Variants in LRRC37A2 observed in about 807,000 individuals in gnomAD.
LRRC37A2 encodes leucine-rich repeat-containing protein 37A2.
Under a neutral mutation model 68.8 loss-of-function variants are expected in LRRC37A2, and 9 were observed. The observed-to-expected ratio is 0.13, with a 90% CI of 0.08 to 0.23. The LOEUF (loss-of-function observed/expected upper bound fraction) is 0.23. LRRC37A2 is among the 10% of genes least tolerant of loss of function. The probability of loss-of-function intolerance (pLI) is 1.00; values close to 1 mark genes in which losing one functional copy is unlikely to be tolerated. For missense variants in LRRC37A2, 168 were observed against 950.4 expected, an observed-to-expected ratio of 0.18 and a Z score of 10.82; for synonymous variants, 63 against 367.6, an observed-to-expected ratio of 0.17 and a Z score of 9.48.
the LRRC37A2 span, among the ~76,000 whole-genome samples, chr17:46,906,113 C>T: frequency 6.6e-6 from 1 of 152,104 alleles, no homozygotes; most frequent in Non-Finnish European, 1.5e-5. Context: ...CAGTGAGGAG[C>T]AGCTCACTCA....
At chr17:46,501,721 C>G in the LRRC37A2 span, among the ~76,000 whole-genome samples, 2 of 151,310 alleles carry the variant, frequency 1.3e-5, no homozygotes, top group African/African-American at 4.9e-5. Flanking sequence ...TTGTATGCCT[C>G]AATTCAATCA....
the LRRC37A2 span, among the ~76,000 whole-genome samples, chr17:46,493,562 G>A: frequency 8.1e-3 from 1,154 of 141,706 alleles, no homozygotes; most frequent in Non-Finnish European, 0.014. Context: ...TATTTGAGAC[G>A]GAGTCTCGCT....
chr17:46,763,855 CAAA>C, the LRRC37A2 span: 2 of 130,064 alleles, frequency 1.5e-5, no homozygotes, highest in Non-Finnish European at 3.4e-5. Context: ...AACAAAAAAA[CAAA>C]AAAAAAACTG....
the LRRC37A2 span, chr17:46,910,146 C>A: frequency 6.6e-6 from 1 of 152,342 alleles, no homozygotes; most frequent in African/African-American, 2.4e-5. Flanking sequence ...AGATCACATC[C>A]CTTTCTGGGC....
chr17:47,002,436 G>A, the LRRC37A2 span, among the ~76,000 whole-genome samples: 2 of 151,182 alleles, frequency 1.3e-5, no homozygotes, highest in African/African-American at 2.4e-5. Flanking sequence ...TCTTGCCCAG[G>A]CTGGAGTGCA....
At chr17:46,878,454 T>A in the LRRC37A2 span, among the ~76,000 whole-genome samples, 1 of 152,222 alleles carries the variant, frequency 6.6e-6, no homozygotes, top group African/African-American at 2.4e-5. Flanking sequence ...GATTTTTGAC[T>A]GCAGAGGCCC....
the LRRC37A2 span, among the ~76,000 whole-genome samples, chr17:46,714,312 T>G: frequency 6.6e-6 from 1 of 152,240 alleles, no homozygotes; most frequent in Non-Finnish European, 1.5e-5. Flanking sequence ...ATTTAGGATT[T>G]TTTAAAGTTC....
the LRRC37A2 span, chr17:46,955,516 TATCTC>T: frequency 2.6e-5 from 4 of 152,322 alleles, no homozygotes; most frequent in Admixed American, 1.3e-4. Flanking sequence ...CCCAAATTCT[TATCTC>T]AACAAGAGTC....
chr17:46,883,989 A>G, the LRRC37A2 span, among the ~76,000 whole-genome samples: 22 of 151,936 alleles, frequency 1.4e-4, no homozygotes, highest in Non-Finnish European at 2.8e-4. Context: ...CTGAGCCCCT[A>G]CCCCTGCCCC....
At chr17:47,000,078 A>AT in the LRRC37A2 span, among the ~76,000 whole-genome samples, 102 of 5,026 alleles carry the variant, frequency 0.02, 2 homozygotes, top group East Asian at 0.074. Context: ...ATAAAATAAA[A>AT]AATAAAATAA....
the LRRC37A2 span, among the ~76,000 whole-genome samples, chr17:46,712,159 A>G: frequency 6.6e-6 from 1 of 151,544 alleles, no homozygotes; most frequent in East Asian, 2.0e-4. Flanking sequence ...TTGTGGTTTG[A>G]AGTATGTGGA....
chr17:46,867,661 T>G, the LRRC37A2 span, among the ~76,000 whole-genome samples: 1 of 152,188 alleles, frequency 6.6e-6, no homozygotes, highest in Non-Finnish European at 1.5e-5. Context: ...TCCTTCAAGG[T>G]CACCCCAGCG....
the LRRC37A2 span, among the ~76,000 whole-genome samples, chr17:46,951,487 A>G: frequency 2.0e-5 from 3 of 152,234 alleles, no homozygotes; most frequent in African/African-American, 7.2e-5. Context: ...TCAAGCTGCC[A>G]GAGAGAGCCT....
At chr17:46,742,740 T>C in the LRRC37A2 span, among the ~76,000 whole-genome samples, 6 of 152,114 alleles carry the variant, frequency 3.9e-5, no homozygotes, top group Non-Finnish European at 8.8e-5. Context: ...CATGCCATGC[T>C]GAGTACTGCA....
At chr17:46,999,971 C>G in the LRRC37A2 span, among the ~76,000 whole-genome samples, 402 of 139,946 alleles carry the variant, frequency 2.9e-3, 3 homozygotes, top group African/African-American at 0.01. Context: ...TGCACTCCAG[C>G]CTGGGCAACA....
chr17:46,549,292 A>G (rs1567983617), exon 10 of LRRC37A2: 1 of 1,610,558 alleles, frequency 6.2e-7, no homozygotes. Flanking sequence ...TTTTATAGAA[A>G]ACAATAATAC....
chr17:46,767,575 C>A, the LRRC37A2 span, among the ~76,000 whole-genome samples: 1 of 152,132 alleles, frequency 6.6e-6, no homozygotes, highest in Admixed American at 6.6e-5. Flanking sequence ...AAAGCTGAGG[C>A]CCAGAAAAGT....
the LRRC37A2 span, among the ~76,000 whole-genome samples, chr17:46,575,308 AG>A: frequency 6.7e-6 from 1 of 150,256 alleles, no homozygotes; most frequent in African/African-American, 2.5e-5. Context: ...GCTGGTTCAC[AG>A]TAAGAGCAGT....
the LRRC37A2 span, among the ~76,000 whole-genome samples, chr17:46,965,764 C>T: frequency 8.8e-4 from 133 of 151,994 alleles, no homozygotes; most frequent in African/African-American, 2.8e-3. Flanking sequence ...ATGGGACTAC[C>T]GGCACACAGC....
Sources: gnomAD v4.1 joint callset for allele counts (sites outside exome capture counted in the v4.1 genomes callset) on GRCh38, gnomAD v4.1.1 for gene constraint, MANE v1.5 for transcripts, NCBI Gene and HGNC (gene_info 2026-07-23, HGNC 2026-07-21) for gene names.